Variants in FBXL3 observed in about 807,000 individuals in gnomAD.
FBXL3 encodes F-box and leucine rich repeat protein 3, also known as F-box/LRR-repeat protein 3.
In FBXL3, 14 loss-of-function variants were observed where a neutral mutation model predicts 37.9. That is an observed-to-expected ratio of 0.37 (90% CI 0.24 to 0.58). The LOEUF (loss-of-function observed/expected upper bound fraction) is 0.58. Among genes scored for constraint, FBXL3 ranks in the 20% least tolerant of loss-of-function variants. FBXL3 has a pLI of 0.74. For missense variants in FBXL3, 327 were observed against 511.1 expected (o/e 0.64, Z 3.47); for synonymous variants, 194 against 180.1 (o/e 1.08, Z -0.62).
chr13:77,007,857 A>G, intron 4 of FBXL3, 69 bp from the exon 5 acceptor site: 1 of 1,358,196 alleles, frequency 7.4e-7, no homozygotes, highest in Non-Finnish European at 9.9e-7. Context: ...TCAATCAAGT[A>G]CATGTCCCAC....
intron 1 of FBXL3, 50 bp downstream of exon 1, chr13:77,026,777 C>G (rs2034850588): frequency 6.7e-6 from 1 of 148,246 alleles, no homozygotes; most frequent in African/African-American, 2.5e-5. Flanking sequence ...CGCGGTCCCT[C>G]CCCGGCTCCG....
chr13:77,006,834 T>C lies in FBXL3; in HGVS notation c.*311A>G. ...TTTCAGAAAACCTATTAGTACTTCT[T>C]GGATATTATAACATATAGGTTTTGT... is the stretch of plus-strand genomic sequence containing the variant. On this transcript the variant is annotated 3_prime_UTR_variant, in exon 5 of 5. Transcript: ENST00000355619. 3 of 1,090,686 alleles carry C rather than the reference T, an allele frequency of 2.8e-6. No individual in the cohort carries two copies. Among genetic ancestry groups the C allele is most frequent in the Non-Finnish European group, 2.2e-6 (2 of 894,540 alleles). The allele number at this position is 1,090,686 out of a possible 1,614,324, so 67.6% of individuals were successfully genotyped here.
At chr13:77,023,345 A>AGAGAGAGAGTGTGTGTGTGTGTGTGTGT (rs199568005) in intron 1 of FBXL3, among the ~76,000 whole-genome samples, 2 of 147,600 alleles carry the variant, frequency 1.4e-5, no homozygotes, top group South Asian at 4.3e-4. Flanking sequence ...AGAGAGAGAG[A>AGAGAGAGAGTGTGTGTGTGTGTGTGTGT]GTGTGTGTGT....
Position 77,007,315 on chromosome 13 carries a change from A to G in FBXL3, c.1117T>C (p.Cys373Arg). 1 of 1,614,188 alleles carries G rather than the reference A, an allele frequency of 6.2e-7. No individual in the cohort carries two copies. Among genetic ancestry groups the G allele is most frequent in the Non-Finnish European group, 8.5e-7 (1 of 1,180,036 alleles). ...AIGLGECEVS[C>R]SAFVEFVKMC... ...TTCACAAACTCAACAAAGGCACTAC[A>G]TGAGACTTCACATTCCCCTAGTCCA... Residue 373 changes from cysteine to arginine, a missense_variant, in exon 5 of 5, where the codon TGT (cysteine) becomes CGT (arginine). Transcript: ENST00000355619.
At position 77,018,632 on chromosome 13, in the gene FBXL3, T is replaced by C; in HGVS notation, c.439A>G (p.Thr147Ala). The change falls in exon 3 of 5, where the codon ACT (threonine) becomes GCT (alanine). Residue 147 changes from threonine to alanine, a missense_variant. Coordinates refer to ENST00000355619, the MANE Select transcript of FBXL3 (RefSeq NM_012158.4). ...CSLKTLGLIS[T>A]ARPSFMDLPK... ...AAATCCATAAAGCTTGGTCGAGCAGTTGAAATAAGTCCAAGTGTTTTTAAA... is the reference window on the plus strand; with the variant it reads ...AAATCCATAAAGCTTGGTCGAGCAGCTGAAATAAGTCCAAGTGTTTTTAAA... 2 of 1,597,470 alleles carry C rather than the reference T, an allele frequency of 1.3e-6. No homozygotes were observed. Among genetic ancestry groups the C allele is most frequent in the Non-Finnish European group, 1.7e-6 (2 of 1,173,212 alleles).
chr13:77,019,961 G>A (rs2034711420), intron 2 of FBXL3, among the ~76,000 whole-genome samples: 1 of 151,620 alleles, frequency 6.6e-6, no homozygotes, highest in Non-Finnish European at 1.5e-5. Context: ...TCTACTAGGT[G>A]GAACTGGACT....
rs1350448624 is a variant in FBXL3 at position 77,006,879 on chromosome 13, G to A, written c.*266C>T. ...TTTTGTTTCCTTTAGACTGTAAACT[G>A]TTTAATACGTATAACTGGTTATTTC... On this transcript the variant is annotated 3_prime_UTR_variant, in exon 5 of 5. Coordinates refer to ENST00000355619, the MANE Select transcript of FBXL3 (RefSeq NM_012158.4). 1 of 1,255,496 alleles carries A rather than the reference G, an allele frequency of 8.0e-7. No homozygotes were observed. Among genetic ancestry groups the A allele is most frequent in the African/African-American group, 1.5e-5 (1 of 66,306 alleles). 77.8% of individuals were successfully genotyped at this position (1,255,496 alleles called of 1,614,324 possible).
intron 4 of FBXL3, among the ~76,000 whole-genome samples, chr13:77,012,561 C>A (rs1366507693): frequency 1.3e-5 from 2 of 151,974 alleles, no homozygotes; most frequent in African/African-American, 4.8e-5. Context: ...AAGCAACAGG[C>A]AAACTAACCT....
chr13:77,021,992 C>G, intron 1 of FBXL3, 131 bp from the exon 2 acceptor site: 1 of 707,458 alleles, frequency 1.4e-6, no homozygotes, highest in Non-Finnish European at 2.3e-6. Context: ...ATCAGTAATT[C>G]AAGAATACCA....
chr13:77,006,910 C>G lies in FBXL3; in HGVS notation c.*235G>C. The G allele has an allele frequency of 7.5e-7, 1 of 1,340,500 alleles. No individual in the cohort carries two copies. The highest frequency in any genetic ancestry group is 1.5e-5 in the African/African-American group (1 of 68,246). The allele number at this position is 1,340,500 out of a possible 1,614,324, so 83.0% of individuals were successfully genotyped here. ...TACGTATAACTGGTTATTTCACATC[C>G]GAACCACATTAAAAAAAATTCGGAG... On this transcript the variant is annotated 3_prime_UTR_variant, in exon 5 of 5. Coordinates refer to ENST00000355619, the MANE Select transcript of FBXL3 (RefSeq NM_012158.4).
chr13:77,012,333 A>C (rs553152845), intron 4 of FBXL3, among the ~76,000 whole-genome samples: 42 of 152,300 alleles, frequency 2.8e-4, no homozygotes, highest in African/African-American at 9.1e-4. Context: ...AATATGGCAA[A>C]AAGCACAAAG....
rs771136982 is a variant in FBXL3, at chr13:77,007,342, T to C, written c.1090A>G (p.Ile364Val). Residue 364 changes from isoleucine to valine, a missense_variant, in exon 5 of 5, where the codon ATT becomes GTT. Transcript: ENST00000355619. ...GAGACTTCACATTCCCCTAGTCCAA[T>C]AGCTGACAAATTTTTGCAACGTTCT... Reference protein sequence around the residue: ...IAERCKNLSAIGLGECEVSCS... With the variant: ...IAERCKNLSAVGLGECEVSCS... 6.2e-6 allele frequency: 10 copies of C among 1,614,040 alleles called. No homozygotes were observed. Among genetic ancestry groups the C allele is most frequent in the Middle Eastern group, 1.6e-4 (1 of 6,082 alleles).
Position 77,007,625 on chromosome 13 carries a change from G to C in FBXL3, c.807C>G (p.Phe269Leu). Residue 269 changes from phenylalanine (F) to leucine (L), a missense_variant, in exon 5 of 5, where the codon TTC (phenylalanine) becomes TTG (leucine). Coordinates refer to ENST00000355619, the MANE Select transcript of FBXL3 (RefSeq NM_012158.4). ...VVSENPGQTH[F>L]HTIQKSSWDA... The stretch of plus-strand genomic sequence containing the variant: ...CCCAGCTACTCTTCTGAATAGTATG[G>C]AAGTGTGTCTGTCCAGGATTCTCAC... 1.2e-6 allele frequency: 2 copies of C among 1,614,146 alleles called. No homozygotes were observed. The highest frequency in any genetic ancestry group is 1.3e-5 in the African/African-American group (1 of 75,030).
intron 2 of FBXL3, among the ~76,000 whole-genome samples, chr13:77,020,573 T>G (rs535559849): frequency 6.6e-6 from 1 of 151,526 alleles, no homozygotes; most frequent in South Asian, 2.1e-4. Context: ...CAGCAACTGC[T>G]TGTGTCCAGA....
At chr13:77,021,907 T>C (rs1027619108) in intron 1 of FBXL3, 46 bp from the exon 2 acceptor site, 9 of 1,455,830 alleles carry the variant, frequency 6.2e-6, no homozygotes, top group Middle Eastern at 1.8e-4. Context: ...AACTTTTGAA[T>C]AGAAATAAAC....
intron 1 of FBXL3, chr13:77,026,282 G>T (rs967979882): frequency 1.0e-6 from 1 of 985,322 alleles, no homozygotes; most frequent in African/African-American, 1.7e-5. Context: ...CTCAACACAA[G>T]TTGACCAAGT....
At chr13:77,014,084 G>A (rs565457510) in intron 4 of FBXL3, 8 of 152,312 alleles carry the variant, frequency 5.3e-5, no homozygotes, top group African/African-American at 1.9e-4. Context: ...CTTCTCCTAC[G>A]TTGACAGGCA....
intron 3 of FBXL3, 29 bp from the exon 4 acceptor site, chr13:77,015,609 T>G (rs769564524): frequency 1.7e-5 from 24 of 1,409,210 alleles, no homozygotes; most frequent in Admixed American, 2.5e-5. Flanking sequence ...AAAATAAAAA[T>G]TATTTCAATT....
chr13:77,022,348 C>G (rs939719222), intron 1 of FBXL3, among the ~76,000 whole-genome samples: 2 of 152,172 alleles, frequency 1.3e-5, no homozygotes, highest in Admixed American at 6.5e-5. Flanking sequence ...TCCTGTGGTT[C>G]TGGCCTGAGG....
Sources: allele counts gnomAD v4.1 joint callset (sites outside exome capture counted in the v4.1 genomes callset), GRCh38; gene constraint gnomAD v4.1.1; transcripts MANE v1.5; gene names NCBI Gene and HGNC (gene_info 2026-07-23, HGNC 2026-07-21).